The following HPR variants were observed in gnomAD, a reference collection of about 807,000 sequenced individuals.
HPR encodes the protein Haptoglobin-related locus.
A neutral mutation model predicts 18.5 loss-of-function variants in HPR; 17 were observed. The observed-to-expected ratio is 0.92, with a 90% confidence interval of 0.63 to 1.38. HPR has a LOEUF of 1.38. Among genes scored for constraint, HPR ranks in the 40% most tolerant of loss-of-function variants. The probability of loss-of-function intolerance (pLI) is 0.00; values close to 1 mark genes in which losing one functional copy is unlikely to be tolerated. For synonymous variants in HPR, 176 were observed against 165.0 expected, an observed-to-expected ratio of 1.07 and a Z score of -0.51; for missense variants, 457 against 432.4, an observed-to-expected ratio of 1.06 and a Z score of -0.51.
intron 4 of HPR, 142 bp from the exon 5 acceptor site, chr16:72,076,161 T>C (rs2041720186): frequency 1.6e-5 from 23 of 1,468,798 alleles, no homozygotes; most frequent in Non-Finnish European, 2.0e-5. Context: ...CTATTGGAAA[T>C]GAGATCAGCA....
intron 1 of HPR, among the ~76,000 whole-genome samples, chr16:72,064,136 T>C (rs749591100): frequency 8.5e-5 from 13 of 152,206 alleles, no homozygotes; most frequent in East Asian, 3.9e-4. Flanking sequence ...TCAATGCCCA[T>C]GGCCACCGTC....
chr16:72,076,250 A>G, intron 4 of HPR, 53 bp from the exon 5 acceptor site: 2 of 1,596,568 alleles, frequency 1.3e-6, no homozygotes, highest in South Asian at 2.2e-5. Flanking sequence ...CCTTTCTCAG[A>G]TGGAAAGGCT....
chr16:72,075,905 C>T (rs1353784199), intron 4 of HPR, among the ~76,000 whole-genome samples: 1 of 151,046 alleles, frequency 6.6e-6, no homozygotes, highest in Non-Finnish European at 1.5e-5. Flanking sequence ...TAATTCCTGA[C>T]CTCAGGTGAT....
At chr16:72,072,893 G>C (rs775411750) in intron 1 of HPR, among the ~76,000 whole-genome samples, 1 of 152,148 alleles carries the variant, frequency 6.6e-6, no homozygotes, top group East Asian at 1.9e-4. Flanking sequence ...CTTCTTCAAA[G>C]GTTCAGCTTG....
chr16:72,065,392 A>G (rs1353485790), intron 1 of HPR, among the ~76,000 whole-genome samples: 2 of 152,282 alleles, frequency 1.3e-5, no homozygotes, highest in Non-Finnish European at 2.9e-5. Context: ...AGCCTCCAGC[A>G]GGCAACAAAT....
intron 1 of HPR, among the ~76,000 whole-genome samples, chr16:72,067,531 A>G (rs1336010328): frequency 6.6e-6 from 1 of 152,152 alleles, no homozygotes; most frequent in Non-Finnish European, 1.5e-5. Flanking sequence ...TACTTCATTA[A>G]ACTTACTCAC....
At chr16:72,070,214 T>A (rs371753163) in intron 1 of HPR, among the ~76,000 whole-genome samples, 1 of 152,344 alleles carries the variant, frequency 6.6e-6, no homozygotes, top group African/African-American at 2.4e-5. Context: ...TTTCCCCTTA[T>A]GAGATGCTCT....
chr16:72,066,673 CT>C (rs2041601553), intron 1 of HPR, among the ~76,000 whole-genome samples: 1 of 152,122 alleles, frequency 6.6e-6, no homozygotes, highest in Non-Finnish European at 1.5e-5. Flanking sequence ...AGAAGATCCC[CT>C]TGGGCAAAGG....
chr16:72,074,335 T>C lies in HPR; in HGVS notation c.143T>C (p.Leu48Ser), dbSNP rs184025907. 1.2e-5 allele frequency: 19 copies of C among 1,614,100 alleles called. No homozygotes were observed. Among genetic ancestry groups the C allele is most frequent in the Admixed American group, 1.7e-5 (1 of 60,014 alleles). Reference sequence around the variant, plus strand: ...ATTGCAAATGGCTATGTGGAGCACTTGTTTCGCTACCAGTGTAAGAACTAC... The same window carrying C: ...ATTGCAAATGGCTATGTGGAGCACTCGTTTCGCTACCAGTGTAAGAACTAC... ...PEIANGYVEH[L>S]FRYQCKNYYR... Residue 48 changes from leucine to serine, a missense_variant, in exon 3 of 5, where the codon TTG becomes TCG. Leu to Ser is a moderately radical substitution (Grantham distance 145, BLOSUM62 -2). Transcript: ENST00000540303.
intron 1 of HPR, among the ~76,000 whole-genome samples, chr16:72,063,633 C>G (rs1303227212): frequency 6.6e-6 from 1 of 152,080 alleles, no homozygotes; most frequent in Non-Finnish European, 1.5e-5. Flanking sequence ...TTGAATGACA[C>G]AATTAATTGA....
Position 72,076,692 on chromosome 16 carries a change from G to A in HPR, c.658G>A (p.Val220Met). ...AAAGAATTATGCAGAAGTAGGGCGTGTGGGTTACGTGTCTGGCTGGGGACA... is the reference window on the plus strand; with the variant it reads ...AAAGAATTATGCAGAAGTAGGGCGTATGGGTTACGTGTCTGGCTGGGGACA... ...PSKNYAEVGR[V>M]GYVSGWGQSD... is the part of the protein sequence containing the mutation. The change falls in exon 5 of 5, where the codon GTG becomes ATG. Residue 220 changes from valine (V) to methionine (M), a missense_variant. By Grantham distance (21) the Val-to-Met change is conservative. Transcript: ENST00000540303. 2.5e-6 allele frequency: 4 copies of A among 1,614,212 alleles called. No homozygotes were observed. The highest frequency in any genetic ancestry group is 3.4e-6 in the Non-Finnish European group (4 of 1,180,036).
chr16:72,074,475 A>G lies in HPR; in HGVS notation c.193+90A>G, dbSNP rs2041696084. The G allele has an allele frequency of 4.4e-6, 5 of 1,148,216 alleles. No homozygotes were observed. The East Asian group carries it at 1.2e-4, about 27-fold the overall frequency. 71.1% of individuals were successfully genotyped at this position (1,148,216 alleles called of 1,614,324 possible). A position where few individuals can be genotyped will look rare whatever the true frequency, so the allele number is the denominator to read the frequency against. ...GTGGTGCTGAGGTGATTTGCCAGAA[A>G]GTTCGTTGCTCTCCTTGGAGCCAGG... On this transcript the variant is annotated intron_variant, in intron 3 of 4. Coordinates refer to ENST00000540303, the MANE Select transcript of HPR (RefSeq NM_020995.4).
rs766844305 is a variant in HPR, at chr16:72,073,968, G to A, written c.82G>A (p.Asp28Asn). ...FALYSGNDVT[D>N]ISDDRFPKPP... Reference sequence around the variant, plus strand: ...ACTGTACTCAGGCAATGATGTCACGGATATTTCAGGTCAGTCTTTGAGTTG... The same window carrying A: ...ACTGTACTCAGGCAATGATGTCACGAATATTTCAGGTCAGTCTTTGAGTTG... The change falls in exon 2 of 5, where the codon GAT (aspartate) becomes AAT (asparagine). Residue 28 changes from aspartate to asparagine, a missense_variant. Transcript: ENST00000540303. The A allele has an allele frequency of 1.2e-5, 20 of 1,613,948 alleles. No homozygotes were observed. In the Admixed American group the frequency reaches 3.2e-4, roughly 26 times the overall value.
rs754526984 is a variant in HPR, at chr16:72,076,708, G to T, written c.674G>T (p.Gly225Val). 1 of 1,614,068 alleles carries T rather than the reference G, an allele frequency of 6.2e-7. No individual in the cohort carries two copies. The highest frequency in any genetic ancestry group is 8.5e-7 in the Non-Finnish European group (1 of 1,180,040). Residue 225 changes from glycine (G) to valine (V), a missense_variant, in exon 5 of 5, where the codon GGC becomes GTC. By Grantham distance (109) the Gly-to-Val change is moderately radical. Coordinates refer to ENST00000540303, the MANE Select transcript of HPR (RefSeq NM_020995.4). ...AEVGRVGYVS[G>V]WGQSDNFKLT... The stretch of plus-strand genomic sequence containing the variant: ...GTAGGGCGTGTGGGTTACGTGTCTG[G>T]CTGGGGACAAAGTGACAACTTTAAA...
At chr16:72,070,583 A>G (rs1485289994) in intron 1 of HPR, among the ~76,000 whole-genome samples, 3 of 152,204 alleles carry the variant, frequency 2.0e-5, no homozygotes, top group Non-Finnish European at 4.4e-5. Flanking sequence ...GGCTCACCCC[A>G]ACCAAATTAA....
intron 1 of HPR, 73 bp from the exon 2 acceptor site, chr16:72,073,819 T>C: frequency 2.5e-6 from 4 of 1,609,840 alleles, no homozygotes; most frequent in South Asian, 1.1e-5. Flanking sequence ...TACATGCCTG[T>C]GTGTGTGGAT....
In HPR at chr16:72,076,721, T is replaced by C. The variant is rs757950805; in HGVS notation, c.687T>C (p.Ser229=). 1.2e-6 allele frequency: 2 copies of C among 1,614,050 alleles called. No homozygotes were observed. Among genetic ancestry groups the C allele is most frequent in the Non-Finnish European group, 1.7e-6 (2 of 1,180,038 alleles). Residue 229 remains serine (S), a synonymous_variant, in exon 5 of 5, where the codon AGT becomes AGC. Coordinates refer to ENST00000540303, the MANE Select transcript of HPR (RefSeq NM_020995.4). ...GTTACGTGTCTGGCTGGGGACAAAGTGACAACTTTAAACTTACTGACCATC... is the reference window on the plus strand; with the variant it reads ...GTTACGTGTCTGGCTGGGGACAAAGCGACAACTTTAAACTTACTGACCATC... ...RVGYVSGWGQ[S]DNFKLTDHLK...
At chr16:72,071,534 C>G (rs1392798661) in intron 1 of HPR, among the ~76,000 whole-genome samples, 2 of 152,178 alleles carry the variant, frequency 1.3e-5, no homozygotes, top group African/African-American at 4.8e-5. Context: ...CCCCGAGGGC[C>G]ATCAGCTTCC....
At chr16:72,067,941 T>C (rs2041615101) in intron 1 of HPR, among the ~76,000 whole-genome samples, 1 of 152,184 alleles carries the variant, frequency 6.6e-6, no homozygotes, top group South Asian at 2.1e-4. Flanking sequence ...AGGATGCTTT[T>C]TGGGCATGTC....
Sources: allele counts gnomAD v4.1 joint callset (sites outside exome capture counted in the v4.1 genomes callset), GRCh38; gene constraint gnomAD v4.1.1; transcripts MANE v1.5; gene names NCBI Gene and HGNC (gene_info 2026-07-23, HGNC 2026-07-21).